NBPF9: variants seen among roughly 807,000 people sequenced by gnomAD.
The protein encoded by NBPF9 is NBPF member 9, also known as NBPF family member NBPF9.
NBPF9 carries 91 observed loss-of-function variants against 97.8 expected under a neutral mutation model. The observed-to-expected ratio is 0.93, with a 90% confidence interval of 0.79 to 1.11. The LOEUF (loss-of-function observed/expected upper bound fraction) is 1.11. NBPF9 is among the 50% of genes least tolerant of loss of function. The pLI, the probability that NBPF9 is intolerant of heterozygous loss-of-function variation, is 0.00. For missense variants in NBPF9, 992 were observed against 939.5 expected (o/e 1.06, Z -0.73); for synonymous variants, 334 against 359.5 (o/e 0.93, Z 0.80).
intron 4 of NBPF9, among the ~76,000 whole-genome samples, chr1:149,092,994 AC>A (rs1345783027): frequency 1.3e-5 from 2 of 151,622 alleles, no homozygotes; most frequent in Non-Finnish European, 2.9e-5. Context: ...GGCCCAGGGG[AC>A]CGGCGTTCAG....
chr1:149,080,035 C>T lies in NBPF9; in HGVS notation c.278+18G>A, dbSNP rs1160444859. On this transcript the variant is annotated intron_variant, in intron 8 of 29. Transcript: ENST00000584027. ...CTACACACCTACCCGCCTGCCTCCC[C>T]CCACGGGGTCCCCTCACCTGAGCTC... 2.7e-5 allele frequency: 42 copies of T among 1,582,468 alleles called. No homozygotes were observed. The East Asian group carries it at 3.8e-4, about 14-fold the overall frequency.
At chr1:149,067,543 GAGT>G (rs1473702602) in intron 17 of NBPF9, among the ~76,000 whole-genome samples, 1 of 146,468 alleles carries the variant, frequency 6.8e-6, no homozygotes, top group African/African-American at 2.6e-5. Flanking sequence ...TCCCACCTGT[GAGT>G]AAGAACATGC....
chr1:149,060,307 G>T lies in NBPF9; in HGVS notation c.2476+216C>A, dbSNP rs1325596301. 1.5e-5 allele frequency: 6 copies of T among 397,814 alleles called. 2 individuals carry two copies. 24.6% of individuals were successfully genotyped at this position (397,814 alleles called of 1,614,324 possible). On this transcript the variant is annotated intron_variant, in intron 24 of 29. Coordinates refer to ENST00000584027, the Ensembl canonical transcript of NBPF9. ...TGAGGATAGGATCAGGGCGCCACAG[G>T]TATGGCCTGAGACTAGGAAGAGAGT... is the stretch of plus-strand genomic sequence containing the variant.
intron 16 of NBPF9, 130 bp downstream of exon 16, chr1:149,070,804 T>C: frequency 6.7e-7 from 1 of 1,488,412 alleles, no homozygotes; most frequent in South Asian, 1.2e-5. Flanking sequence ...GACAAAAAAC[T>C]CCCTGATATC....
intron 5 of NBPF9, among the ~76,000 whole-genome samples, chr1:149,086,534 G>A (rs1399969546): frequency 6.6e-6 from 1 of 151,044 alleles, no homozygotes; most frequent in Admixed American, 6.6e-5. Context: ...CAAGATAAGG[G>A]CCCCCAGCAC....
chr1:149,092,967 A>G (rs1175190326), intron 4 of NBPF9, among the ~76,000 whole-genome samples: 1 of 152,044 alleles, frequency 6.6e-6, no homozygotes, highest in African/African-American at 2.4e-5. Flanking sequence ...GAGACAAAGT[A>G]CAGAGAAAGA....
intron 11 of NBPF9, among the ~76,000 whole-genome samples, chr1:149,076,534 G>C (rs1228878377): frequency 6.9e-6 from 1 of 144,156 alleles, no homozygotes; most frequent in Non-Finnish European, 1.5e-5. Flanking sequence ...ATGGAGTCTC[G>C]CTCTGTCTCC....
intron 18 of NBPF9, chr1:149,065,011 A>C (rs1391393288): frequency 1.8e-6 from 1 of 555,808 alleles, no homozygotes; most frequent in African/African-American, 1.9e-5. Context: ...TGACGGACAG[A>C]TGAGCTAAAA....
chr1:149,081,267 C>T (rs1216441944), intron 7 of NBPF9, among the ~76,000 whole-genome samples: 1 of 152,040 alleles, frequency 6.6e-6, no homozygotes, highest in Admixed American at 6.6e-5. Flanking sequence ...TTACAGTTGC[C>T]CTCCACGACG....
At chr1:149,059,018 C>T in exon 26 of NBPF9, 1 of 419,812 alleles carries the variant, frequency 2.4e-6, no homozygotes, top group Non-Finnish European at 4.2e-6. Flanking sequence ...TCAAGATAAC[C>T]TGAAGGAGTC....
exon 20 of NBPF9, chr1:149,063,753 G>T: frequency 1.6e-6 from 1 of 607,638 alleles, no homozygotes; most frequent in Non-Finnish European, 2.9e-6. Context: ...CATCTATCCA[G>T]TGAGTCCTGC....
exon 30 of NBPF9, chr1:149,055,640 G>T (rs782657497): frequency 1.9e-6 from 3 of 1,611,558 alleles, no homozygotes; most frequent in African/African-American, 1.3e-5. Context: ...ACATCTCTCG[G>T]CTTAGTAAGG....
intron 5 of NBPF9, among the ~76,000 whole-genome samples, chr1:149,087,684 C>A (rs1440205706): frequency 1.3e-5 from 2 of 150,758 alleles, no homozygotes; most frequent in Non-Finnish European, 1.5e-5. Flanking sequence ...GATCAATTTA[C>A]GAAGAACTGA....
intron 4 of NBPF9, among the ~76,000 whole-genome samples, chr1:149,093,208 G>A (rs1211781546): frequency 6.6e-6 from 1 of 151,312 alleles, no homozygotes; most frequent in South Asian, 2.1e-4. Context: ...TGCATATACA[G>A]AAACATCTCA....
chr1:149,070,756 G>A (rs1391683228), intron 16 of NBPF9, among the ~76,000 whole-genome samples, 178 bp downstream of exon 16: 1 of 152,094 alleles, frequency 6.6e-6, no homozygotes, highest in Non-Finnish European at 1.5e-5. Flanking sequence ...ACTTGATACT[G>A]GGGACTGGCA....
exon 10 of NBPF9, chr1:149,077,902 G>C (rs1553655050): frequency 6.7e-7 from 1 of 1,489,468 alleles, no homozygotes. Context: ...GATGATTCCA[G>C]TACTTTCTCA....
In NBPF9 at chr1:149,086,183, T is replaced by C. The variant is rs587732646; in HGVS notation, c.-194-3753A>G. Among the ~76,000 whole-genome samples, 7 of 149,282 alleles carry C rather than the reference T, an allele frequency of 4.7e-5. No individual in the cohort carries two copies. The South Asian group carries it at 1.5e-3, about 32-fold the overall frequency. ...TTGGGCTATTATGAAGAAACTATCA[T>C]GAGCATCCATACGTGGCAGGCCAGG... On this transcript the variant is annotated intron_variant, in intron 5 of 29. Coordinates refer to ENST00000584027, the Ensembl canonical transcript of NBPF9.
intron 19 of NBPF9, among the ~76,000 whole-genome samples, chr1:149,064,095 C>G (rs1481619011): frequency 7.2e-6 from 1 of 138,270 alleles, no homozygotes; most frequent in Admixed American, 7.3e-5. Flanking sequence ...AAAGGACACT[C>G]TGTATTTGTG....
intron 5 of NBPF9, among the ~76,000 whole-genome samples, chr1:149,082,952 C>CTCTTTTTTTTTTTTTTT (rs1553657349): frequency 1.6e-5 from 1 of 60,986 alleles, no homozygotes. Flanking sequence ...GCTAATTTTT[C>CTCTTTTTTTTTTTTTTT]TTTTCTTTTT....
Sources: allele counts gnomAD v4.1 joint callset (sites outside exome capture counted in the v4.1 genomes callset), GRCh38; gene constraint gnomAD v4.1.1; transcripts MANE v1.5; gene names NCBI Gene and HGNC (gene_info 2026-07-23, HGNC 2026-07-21).